DAB1: variants seen among roughly 807,000 people sequenced by gnomAD.
The protein encoded by DAB1 is disabled homolog 1.
DAB1 carries 15 observed loss-of-function variants against 64.6 expected under a neutral mutation model. That is an observed-to-expected ratio of 0.23 (90% CI 0.16 to 0.36). The LOEUF (loss-of-function observed/expected upper bound fraction) is 0.36, where lower values mean the gene tolerates loss of function less well. Among genes scored for constraint, DAB1 ranks in the 10% least tolerant of loss-of-function variants. The pLI, the probability that DAB1 is intolerant of heterozygous loss-of-function variation, is 1.00. For missense variants in DAB1, 596 were observed against 706.7 expected (o/e 0.84, Z 1.78); for synonymous variants, 235 against 251.9 (o/e 0.93, Z 0.64).
Position 56,997,953 on chromosome 1 carries a change from C to T in DAB1, c.*191G>A, listed in dbSNP as rs1645693266. ...CATTGGTTGCCAAAAATGCTTAGTT[C>T]CCTCTTCTGAGCGAGTTCCATTGGG... is the stretch of plus-strand genomic sequence containing the variant. On this transcript the variant is annotated 3_prime_UTR_variant, in exon 15 of 15. Coordinates refer to ENST00000371236, the MANE Select transcript of DAB1 (RefSeq NM_001365792.1). The T allele has an allele frequency of 1.3e-5, 2 of 152,540 alleles. No individual in the cohort carries two copies. The highest frequency in any genetic ancestry group is 4.8e-5 in the African/African-American group (2 of 41,436). 9.4% of individuals were successfully genotyped at this position (152,540 alleles called of 1,614,324 possible). A position where few individuals can be genotyped will look rare whatever the true frequency, so the allele number is the denominator to read the frequency against.
Position 57,267,069 on chromosome 1 carries a change from G to A in DAB1, c.67+23895C>T, listed in dbSNP as rs549174968. The stretch of plus-strand genomic sequence containing the variant: ...TGGAAAAAGATATAATTCTGCAGGT[G>A]TAATTAAATTAAGAATCTTGAGATG... On this transcript the variant is annotated intron_variant, in intron 2 of 14. Coordinates refer to ENST00000371236, the MANE Select transcript of DAB1 (RefSeq NM_001365792.1). Among the ~76,000 whole-genome samples the A allele has an allele frequency of 4.1e-4, 62 of 152,242 alleles. 1 individual carries two copies. Among genetic ancestry groups the A allele is most frequent in the Non-Finnish European group, 2.5e-4 (17 of 68,008 alleles).
At chr1:58,005,936 C>T (rs1361749357) in intron 5 of DAB1, among the ~76,000 whole-genome samples, 2 of 152,092 alleles carry the variant, frequency 1.3e-5, no homozygotes, top group Admixed American at 6.6e-5. Context: ...TTAAGAGACC[C>T]GCCCAAGGAC....
intron 1 of DAB1, among the ~76,000 whole-genome samples, chr1:57,417,822 G>A (rs1684601140): frequency 6.6e-6 from 1 of 151,968 alleles, no homozygotes; most frequent in South Asian, 2.1e-4. Context: ...ACCCAATTAT[G>A]CCCATCCCTA....
At chr1:57,326,164 C>T (rs182539081) in intron 1 of DAB1, among the ~76,000 whole-genome samples, 39 of 152,362 alleles carry the variant, frequency 2.6e-4, no homozygotes, top group Middle Eastern at 6.8e-3. Flanking sequence ...CATAAGGTGA[C>T]TGCTCCAGAT....
chr1:57,843,691 A>G (rs1653153234), intron 1 of DAB1, among the ~76,000 whole-genome samples: 1 of 152,206 alleles, frequency 6.6e-6, no homozygotes, highest in Non-Finnish European at 1.5e-5. Flanking sequence ...AAGGCTTTGG[A>G]GAAATACCAG....
intron 13 of DAB1, 150 bp downstream of exon 13, chr1:57,010,994 CA>C: frequency 1.8e-6 from 2 of 1,085,694 alleles, no homozygotes; most frequent in South Asian, 3.2e-5. Context: ...CATTTGAACA[CA>C]AAAGAAAGCC....
At chr1:57,815,730 C>A (rs1393947921) in intron 6 of DAB1, among the ~76,000 whole-genome samples, 3 of 151,908 alleles carry the variant, frequency 2.0e-5, no homozygotes, top group Non-Finnish European at 4.4e-5. Flanking sequence ...TTCAGCTGCC[C>A]CCATGGCTTA....
intron 2 of DAB1, among the ~76,000 whole-genome samples, chr1:57,266,988 T>C (rs746253161): frequency 1.3e-5 from 2 of 151,988 alleles, no homozygotes; most frequent in African/African-American, 4.8e-5. Context: ...TAAATGGTGG[T>C]CCCAAAAAGG....
chr1:57,707,784 A>G (rs1646985634), intron 6 of DAB1, among the ~76,000 whole-genome samples: 1 of 152,166 alleles, frequency 6.6e-6, no homozygotes, highest in African/African-American at 2.4e-5. Flanking sequence ...AAGGGGATTG[A>G]GGGTTGTGAC....
At chr1:57,495,719 C>A (rs1189350859) in intron 7 of DAB1, among the ~76,000 whole-genome samples, 1 of 152,186 alleles carries the variant, frequency 6.6e-6, no homozygotes, top group Non-Finnish European at 1.5e-5. Flanking sequence ...GATAACCCTG[C>A]TTTCCTTAGT....
intron 1 of DAB1, among the ~76,000 whole-genome samples, chr1:57,423,550 C>G (rs1366966169): frequency 6.6e-6 from 1 of 151,768 alleles, no homozygotes; most frequent in Non-Finnish European, 1.5e-5. Flanking sequence ...AAGGCAGGCT[C>G]GAGGTCCGAT....
intron 2 of DAB1, among the ~76,000 whole-genome samples, chr1:58,522,543 G>C (rs936175560): frequency 6.6e-5 from 10 of 152,018 alleles, no homozygotes; most frequent in African/African-American, 2.4e-4. Context: ...TTGTACTAAA[G>C]TTTTTGGCTA....
intron 10 of DAB1, 42 bp downstream of exon 10, chr1:57,025,939 A>G: frequency 6.7e-7 from 1 of 1,490,074 alleles, no homozygotes; most frequent in Non-Finnish European, 9.0e-7. Flanking sequence ...GTGTAAAGAA[A>G]GGAATTCAGA....
rs1255111403 is a variant in DAB1 at position 57,145,775 on chromosome 1, A to G, written c.68-346T>C. On this transcript the variant is annotated intron_variant, in intron 2 of 14. Transcript: ENST00000371236. ...AGCAAGAGATATTCAACAAATGATC[A>G]TAATCACCCACTAAGAGTTCATGTC... Among the ~76,000 whole-genome samples the G allele has an allele frequency of 2.0e-5, 3 of 152,358 alleles. No individual in the cohort carries two copies. The East Asian group carries it at 5.8e-4, about 29-fold the overall frequency.
At chr1:58,513,512 C>T (rs1034265362) in intron 2 of DAB1, among the ~76,000 whole-genome samples, 8 of 152,136 alleles carry the variant, frequency 5.3e-5, no homozygotes, top group Admixed American at 5.2e-4. Context: ...CTCTAGGTAA[C>T]CTTTCCTTCT....
rs79878953 is a variant in DAB1 at position 58,524,009 on chromosome 1, C to A, written n.107+3252G>T. On this transcript the variant is annotated intron_variant and non_coding_transcript_variant, in intron 2 of 20. Coordinates refer to the DAB1 transcript ENST00000485760. Reference sequence around the variant, plus strand: ...AAAAGCGTTCTCATTGTGTAGCAGGCCTTTTTGCTTTACAACCAAAAGACT... The same window carrying A: ...AAAAGCGTTCTCATTGTGTAGCAGGACTTTTTGCTTTACAACCAAAAGACT... 2.6e-3 allele frequency among the ~76,000 whole-genome samples: 400 copies of A among 152,272 alleles called. 10 individuals are homozygous for A. The East Asian group carries it at 0.05, about 19-fold the overall frequency.
At chr1:57,087,113 A>C (rs539696969) in intron 4 of DAB1, among the ~76,000 whole-genome samples, 2 of 152,310 alleles carry the variant, frequency 1.3e-5, no homozygotes, top group African/African-American at 2.4e-5. Context: ...TGGATGTTTC[A>C]TCCATTGTCC....
At chr1:58,223,156 A>G (rs484653) in intron 4 of DAB1, among the ~76,000 whole-genome samples, 38,656 of 152,174 alleles carry the variant, frequency 0.25, 5,292 homozygotes, top group East Asian at 0.46. Context: ...CTCTCCATGT[A>G]TGAACAAATA....
intron 5 of DAB1, among the ~76,000 whole-genome samples, chr1:58,097,305 A>G (rs1441969222): frequency 6.6e-6 from 1 of 152,244 alleles, no homozygotes; most frequent in Non-Finnish European, 1.5e-5. Flanking sequence ...CACCCCGGCC[A>G]TCTGCTCTTA....
Sources: allele counts gnomAD v4.1 joint callset (sites outside exome capture counted in the v4.1 genomes callset), GRCh38; gene constraint gnomAD v4.1.1; transcripts MANE v1.5; gene names NCBI Gene and HGNC (gene_info 2026-07-23, HGNC 2026-07-21).